RBMS3: variants seen among roughly 807,000 people sequenced by gnomAD.
RBMS3 encodes RNA-binding motif, single-stranded-interacting protein 3.
RBMS3 carries 27 observed loss-of-function variants against 66.8 expected under a neutral mutation model. The ratio of observed to expected loss-of-function variants is 0.40; its 90% CI spans 0.30 to 0.56. The LOEUF is 0.56. Among genes scored for constraint, RBMS3 ranks in the 20% least tolerant of loss-of-function variants. The pLI is 0.40. For synonymous variants in RBMS3, 188 were observed against 183.0 expected (o/e 1.03, Z -0.22); for missense variants, 513 against 549.5 (o/e 0.93, Z 0.66).
intron 6 of RBMS3, among the ~76,000 whole-genome samples, chr3:29,809,502 G>A (rs894053828): frequency 6.6e-5 from 10 of 151,904 alleles, no homozygotes; most frequent in Non-Finnish European, 1.3e-4. Flanking sequence ...TGATATATTA[G>A]TAACGGGGCC....
chr3:29,547,807 ATTTTTTTT>A (rs3043400), intron 3 of RBMS3, among the ~76,000 whole-genome samples: 9 of 93,298 alleles, frequency 9.6e-5, no homozygotes, highest in Non-Finnish European at 1.5e-4. Context: ...TTGTGGATTG[ATTTTTTTT>A]TTTTTTTTTT....
intron 3 of RBMS3, among the ~76,000 whole-genome samples, chr3:29,509,356 A>G (rs192980322): frequency 6.6e-6 from 1 of 152,194 alleles, no homozygotes; most frequent in East Asian, 1.9e-4. Flanking sequence ...ACTAATAATG[A>G]CTAATATATA....
chr3:29,911,634 C>G (rs1034281589), intron 10 of RBMS3, among the ~76,000 whole-genome samples: 5 of 151,940 alleles, frequency 3.3e-5, no homozygotes, highest in African/African-American at 1.2e-4. Context: ...TCTGAATACC[C>G]CAGGTGAAAG....
chr3:29,682,875 T>A (rs540215103), intron 4 of RBMS3, among the ~76,000 whole-genome samples: 1 of 152,318 alleles, frequency 6.6e-6, no homozygotes, highest in African/African-American at 2.4e-5. Flanking sequence ...ATTCTAAGAA[T>A]GCAAACGTGT....
At chr3:29,439,811 T>G (rs2125735998) in intron 2 of RBMS3, among the ~76,000 whole-genome samples, 1 of 152,170 alleles carries the variant, frequency 6.6e-6, no homozygotes, top group East Asian at 1.9e-4. Context: ...AACAATTAAA[T>G]GGCTGTAATA....
At chr3:29,542,268 T>G (rs1410435826) in intron 3 of RBMS3, among the ~76,000 whole-genome samples, 2 of 152,202 alleles carry the variant, frequency 1.3e-5, no homozygotes, top group Non-Finnish European at 2.9e-5. Flanking sequence ...AAGTGATGTC[T>G]TTTCATTTTT....
chr3:29,928,568 A>G (rs1042408704), intron 10 of RBMS3, among the ~76,000 whole-genome samples: 4 of 152,120 alleles, frequency 2.6e-5, no homozygotes, highest in African/African-American at 7.2e-5. Context: ...ACTAAGGACT[A>G]TGGTTATGCC....
intron 3 of RBMS3, among the ~76,000 whole-genome samples, chr3:29,544,781 G>A (rs2045887024): frequency 6.6e-6 from 1 of 151,976 alleles, no homozygotes; most frequent in Non-Finnish European, 1.5e-5. Context: ...AACATTTTCT[G>A]TATATTTAAG....
chr3:29,561,517 A>AT (rs2046554871), intron 3 of RBMS3, among the ~76,000 whole-genome samples: 1 of 152,064 alleles, frequency 6.6e-6, no homozygotes, highest in Non-Finnish European at 1.5e-5. Flanking sequence ...CAGTGGCACA[A>AT]TCTCAGCTCA....
At chr3:30,001,011 A>G (rs1471965204) in intron 14 of RBMS3, among the ~76,000 whole-genome samples, 1 of 151,540 alleles carries the variant, frequency 6.6e-6, no homozygotes, top group Non-Finnish European at 1.5e-5. Flanking sequence ...CACGTTCTGC[A>G]TATGTATCCC....
intron 1 of RBMS3, among the ~76,000 whole-genome samples, chr3:29,431,534 G>A (rs1393091116): frequency 2.0e-5 from 3 of 151,808 alleles, no homozygotes; most frequent in East Asian, 1.9e-4. Flanking sequence ...CTTGTGATCC[G>A]CCCTCCTCAG....
intron 9 of RBMS3, among the ~76,000 whole-genome samples, chr3:29,898,531 T>TC (rs1344899889): frequency 2.0e-5 from 3 of 151,542 alleles, no homozygotes; most frequent in Non-Finnish European, 4.4e-5. Flanking sequence ...CTTAACTGAT[T>TC]CCCCCCAAAG....
intron 1 of RBMS3, among the ~76,000 whole-genome samples, chr3:29,319,689 CT>C (rs1035287324): frequency 2.0e-5 from 3 of 151,902 alleles, no homozygotes; most frequent in Non-Finnish European, 4.4e-5. Context: ...GGATTTTTAA[CT>C]TTAGTTGATC....
chr3:29,798,929 G>GTTTTTTTTTT (rs368923260), intron 6 of RBMS3, among the ~76,000 whole-genome samples: 2 of 127,702 alleles, frequency 1.6e-5, no homozygotes, highest in East Asian at 2.3e-4. Context: ...GTACCCTCTG[G>GTTTTTTTTTT]TTTTTTTTTT....
chr3:29,697,589 A>G (rs1222673878), intron 4 of RBMS3, among the ~76,000 whole-genome samples: 5 of 152,246 alleles, frequency 3.3e-5, no homozygotes, highest in African/African-American at 1.2e-4. Context: ...TGGGACCAGA[A>G]GTGTTTCAGA....
chr3:29,940,803 A>G (rs2061374993), intron 11 of RBMS3, among the ~76,000 whole-genome samples: 1 of 149,970 alleles, frequency 6.7e-6, no homozygotes, highest in Non-Finnish European at 1.5e-5. Context: ...TAACTGTTTT[A>G]TTTCAGGGGT....
intron 3 of RBMS3, among the ~76,000 whole-genome samples, chr3:29,564,608 T>C (rs1437928107): frequency 6.6e-6 from 1 of 152,106 alleles, no homozygotes; most frequent in Non-Finnish European, 1.5e-5. Flanking sequence ...AATTAGTATA[T>C]AGCATATAGT....
intron 3 of RBMS3, among the ~76,000 whole-genome samples, chr3:29,505,674 A>G (rs932835068): frequency 2.6e-5 from 4 of 151,712 alleles, no homozygotes; most frequent in Non-Finnish European, 5.9e-5. Context: ...TTTGGGTAGT[A>G]TGGGCATCTT....
chr3:29,763,919 T>C (rs949289343), intron 6 of RBMS3, among the ~76,000 whole-genome samples: 5 of 152,086 alleles, frequency 3.3e-5, no homozygotes, highest in Non-Finnish European at 5.9e-5. Flanking sequence ...ACTTCTTCCA[T>C]CTTACAATAT....
Sources: gnomAD v4.1 joint callset for allele counts (sites outside exome capture counted in the v4.1 genomes callset) on GRCh38, gnomAD v4.1.1 for gene constraint, MANE v1.5 for transcripts, NCBI Gene and HGNC (gene_info 2026-07-23, HGNC 2026-07-21) for gene names.